Variants in APOBEC3D observed in about 807,000 individuals in gnomAD.
The protein encoded by APOBEC3D is apolipoprotein B mRNA editing enzyme catalytic subunit 3D.
Under a neutral mutation model 45.6 loss-of-function variants are expected in APOBEC3D, and 37 were observed. The observed-to-expected ratio is 0.81, with a 90% CI of 0.62 to 1.07. The LOEUF (loss-of-function observed/expected upper bound fraction) is 1.07, where lower values mean the gene tolerates loss of function less well. Ranked by LOEUF, APOBEC3D falls within the 50% of genes least tolerant of loss-of-function variation. APOBEC3D has a pLI of 0.00. For missense variants in APOBEC3D, 496 were observed against 495.3 expected, an observed-to-expected ratio of 1.00 and a Z score of -0.01; for synonymous variants, 175 against 180.7, an observed-to-expected ratio of 0.97 and a Z score of 0.25.
Position 39,021,256 on chromosome 22 carries a change from C to T in APOBEC3D, c.-264C>T, listed in dbSNP as rs59738245. On this transcript the variant is annotated 5_prime_UTR_variant, in exon 1 of 7. The change creates a new upstream start codon in the 5' untranslated region. Coordinates refer to ENST00000216099, the MANE Select transcript of APOBEC3D (RefSeq NM_152426.4). ...CAGAGTAGCTGGGATTACAGGCGCA[C>T]GTCACCACACCTGGCTAATTTTTGT... 9,821 of 415,650 alleles carry T rather than the reference C, an allele frequency of 0.024. 891 individuals carry two copies. The highest frequency in any genetic ancestry group is 0.19 in the African/African-American group (9,031 of 48,714). 25.7% of individuals were successfully genotyped at this position (415,650 alleles called of 1,614,324 possible).
chr22:39,027,902 C>T (rs1480312181), intron 4 of APOBEC3D, among the ~76,000 whole-genome samples: 3 of 152,242 alleles, frequency 2.0e-5, no homozygotes, highest in Non-Finnish European at 4.4e-5. Context: ...CATGCCCGGG[C>T]TGGTGCTCCC....
rs1349097271 is a variant in APOBEC3D, at chr22:39,025,183, C to T, written c.324C>T (p.Pro108=). ...FQITWFVSWN[P]CLPCVVKVTK... Reference sequence around the variant, plus strand: ...TCACCTGGTTTGTATCATGGAACCCCTGCCTGCCCTGTGTGGTGAAGGTGA... The same window carrying T: ...TCACCTGGTTTGTATCATGGAACCCTTGCCTGCCCTGTGTGGTGAAGGTGA... The change falls in exon 3 of 7, where the codon CCC becomes CCT. Residue 108 remains proline (P), a synonymous_variant. Transcript: ENST00000216099. 6.2e-7 allele frequency: 1 copy of T among 1,614,154 alleles called. No individual in the cohort carries two copies. The highest frequency in any genetic ancestry group is 8.5e-7 in the Non-Finnish European group (1 of 1,180,008).
At chr22:39,025,744 C>G in intron 4 of APOBEC3D, 73 bp downstream of exon 4, 6 of 1,607,050 alleles carry the variant, frequency 3.7e-6, no homozygotes, top group Non-Finnish European at 5.1e-6. Flanking sequence ...ACTCCCCTGG[C>G]TGGGCCCTCC....
intron 3 of APOBEC3D, 59 bp from the exon 4 acceptor site, chr22:39,025,498 T>C (rs1296725954): frequency 1.2e-6 from 2 of 1,614,000 alleles, no homozygotes; most frequent in Non-Finnish European, 1.7e-6. Flanking sequence ...AGACCAGGCC[T>C]GGGAGGGCAG....
chr22:39,031,366 G>T (rs1020641930), intron 5 of APOBEC3D, among the ~76,000 whole-genome samples: 1 of 152,130 alleles, frequency 6.6e-6, no homozygotes, highest in Non-Finnish European at 1.5e-5. Context: ...CCAAGATTTC[G>T]AGATCAGCCT....
At chr22:39,025,921 C>T (rs1018722069) in intron 4 of APOBEC3D, among the ~76,000 whole-genome samples, 1 of 152,146 alleles carries the variant, frequency 6.6e-6, no homozygotes, top group Admixed American at 6.5e-5. Flanking sequence ...CGAGGCTGCC[C>T]TCCCCACAGC....
At chr22:39,027,961 C>T (rs1400930670) in intron 4 of APOBEC3D, among the ~76,000 whole-genome samples, 1 of 152,214 alleles carries the variant, frequency 6.6e-6, no homozygotes, top group East Asian at 1.9e-4. Context: ...TTCCTGAGCT[C>T]AGGAACTGGG....
intron 2 of APOBEC3D, 109 bp from the exon 3 acceptor site, chr22:39,024,961 A>G (rs532388540): frequency 1.5e-5 from 15 of 1,032,252 alleles, no homozygotes; most frequent in South Asian, 3.4e-5. Flanking sequence ...AGGAGCTTCA[A>G]TGGCAAGATC....
At chr22:39,026,463 G>C (rs945060574) in intron 4 of APOBEC3D, among the ~76,000 whole-genome samples, 1 of 152,208 alleles carries the variant, frequency 6.6e-6, no homozygotes, top group Non-Finnish European at 1.5e-5. Context: ...TGAGGGCTTC[G>C]ACATGTCAAT....
At chr22:39,021,707 G>A (rs1925129135) in intron 1 of APOBEC3D, among the ~76,000 whole-genome samples, 171 bp downstream of exon 1, 1 of 151,968 alleles carries the variant, frequency 6.6e-6, no homozygotes, top group Non-Finnish European at 1.5e-5. Context: ...CTGTGTGGTC[G>A]CCCCACTGCT....
In APOBEC3D at chr22:39,033,149, G is replaced by A. The variant is rs9619787; in HGVS notation, c.*833G>A. On this transcript the variant is annotated 3_prime_UTR_variant, in exon 7 of 7. Transcript: ENST00000216099. ...GGAGGACTGCTTGAGCCGGGGAGGT[G>A]GAGGCTGGAGTAAACTGAGATCGCG... is the stretch of plus-strand genomic sequence containing the variant. 957 of 494,664 alleles carry A rather than the reference G, an allele frequency of 1.9e-3. 6 individuals are homozygous for A. Among genetic ancestry groups the A allele is most frequent in the African/African-American group, 0.019 (921 of 47,864 alleles). The allele number at this position is 494,664 out of a possible 1,614,324, so 30.6% of individuals were successfully genotyped here. A position where few individuals can be genotyped will look rare whatever the true frequency, so the allele number is the denominator to read the frequency against.
chr22:39,031,643 C>T (rs1569061016), intron 5 of APOBEC3D, 51 bp from the exon 6 acceptor site: 1 of 1,604,914 alleles, frequency 6.2e-7, no homozygotes, highest in Admixed American at 1.7e-5. Flanking sequence ...CCCTACACTC[C>T]TCCTGCTCCT....
In APOBEC3D at chr22:39,021,537, G is replaced by A. The variant is rs370204193; in HGVS notation, c.17+1G>A. On this transcript the variant is annotated splice_donor_variant, in intron 1 of 6. Transcript: ENST00000216099. LOFTEE classifies it high-confidence loss of function. ...GGCTGAACATGAATCCACAGATCAG[G>A]TACCGCTGCCCACTATGTCCGCAGG... The A allele has an allele frequency of 8.1e-6, 13 of 1,614,008 alleles. No individual in the cohort carries two copies. The highest frequency in any genetic ancestry group is 2.7e-5 in the African/African-American group (2 of 74,958).
chr22:39,029,342 G>T (rs1196720927), intron 4 of APOBEC3D, 21 bp from the exon 5 acceptor site: 10 of 1,613,754 alleles, frequency 6.2e-6, no homozygotes, highest in Non-Finnish European at 8.5e-6. Flanking sequence ...CTGCACTGGG[G>T]TTTCTCTCTT....
intron 4 of APOBEC3D, among the ~76,000 whole-genome samples, chr22:39,028,603 A>G (rs567441762): frequency 6.6e-6 from 1 of 152,338 alleles, no homozygotes; most frequent in Admixed American, 6.5e-5. Flanking sequence ...GTTCAAAAGC[A>G]GCCTGGCCAA....
At chr22:39,030,562 T>C (rs147875904) in intron 5 of APOBEC3D, among the ~76,000 whole-genome samples, 7,341 of 151,740 alleles carry the variant, frequency 0.048, 357 homozygotes, top group African/African-American at 0.17. Context: ...AGTTAAAGTT[T>C]GTCTATTCTC....
At chr22:39,021,936 A>C (rs1925153902) in intron 1 of APOBEC3D, among the ~76,000 whole-genome samples, 1 of 152,208 alleles carries the variant, frequency 6.6e-6, no homozygotes, top group African/African-American at 2.4e-5. Context: ...ACTTTCTGTA[A>C]GATTTACTTT....
intron 4 of APOBEC3D, 138 bp downstream of exon 4, chr22:39,025,809 C>A: frequency 5.3e-6 from 8 of 1,509,014 alleles, no homozygotes; most frequent in Non-Finnish European, 7.2e-6. Context: ...CTCACCCACA[C>A]TCCTCATGCT....
At chr22:39,032,121 G>T in intron 6 of APOBEC3D, 77 bp from the exon 7 acceptor site, 4 of 1,589,216 alleles carry the variant, frequency 2.5e-6, no homozygotes, top group Non-Finnish European at 3.4e-6. Flanking sequence ...CAGGAGACCT[G>T]GCTTGGGAGG....
Sources: allele counts gnomAD v4.1 joint callset (sites outside exome capture counted in the v4.1 genomes callset), GRCh38; gene constraint gnomAD v4.1.1; transcripts MANE v1.5; gene names NCBI Gene and HGNC (gene_info 2026-07-23, HGNC 2026-07-21).